NAV2: variants seen among roughly 807,000 people sequenced by gnomAD.
NAV2 encodes helicase, APC down-regulated 1.
Under a neutral mutation model 223.2 loss-of-function variants are expected in NAV2, and 54 were observed. The ratio of observed to expected loss-of-function variants is 0.24; its 90% CI spans 0.19 to 0.30. The LOEUF (loss-of-function observed/expected upper bound fraction) is 0.30. Among genes scored for constraint, NAV2 ranks in the 10% least tolerant of loss-of-function variants. NAV2 has a pLI of 1.00. For missense variants in NAV2, 2,806 were observed against 3,147.5 expected, an observed-to-expected ratio of 0.89 and a Z score of 2.60; for synonymous variants, 1,279 against 1,239.3, an observed-to-expected ratio of 1.03 and a Z score of -0.67.
At chr11:19,853,903 C>T (rs2061278464) in intron 3 of NAV2, among the ~76,000 whole-genome samples, 1 of 152,194 alleles carries the variant, frequency 6.6e-6, no homozygotes, top group South Asian at 2.1e-4. Flanking sequence ...CTGGTAGATG[C>T]TCACTCAGTG....
chr11:19,916,545 G>C (rs551849663), intron 6 of NAV2, among the ~76,000 whole-genome samples: 2 of 152,076 alleles, frequency 1.3e-5, no homozygotes, highest in Non-Finnish European at 2.9e-5. Flanking sequence ...TGATCTAATC[G>C]TGTCTGTCTA....
intron 10 of NAV2, chr11:19,978,621 T>G (rs993230673): frequency 1.3e-5 from 2 of 151,452 alleles, no homozygotes; most frequent in African/African-American, 4.9e-5. Context: ...TTGTTTTCTG[T>G]TTGTTCTTTC....
intron 1 of NAV2, among the ~76,000 whole-genome samples, chr11:19,749,471 G>A (rs1029574358): frequency 1.3e-4 from 20 of 152,168 alleles, no homozygotes; most frequent in African/African-American, 4.6e-4. Context: ...CAGTAATTAA[G>A]CTCACCTGTC....
chr11:19,873,306 A>G (rs562915714), intron 4 of NAV2, among the ~76,000 whole-genome samples: 1 of 152,120 alleles, frequency 6.6e-6, no homozygotes, highest in Non-Finnish European at 1.5e-5. Flanking sequence ...GTGACCAAAG[A>G]CAGGCAAATC....
chr11:19,652,582 A>T (rs61876698), intron 1 of NAV2, among the ~76,000 whole-genome samples: 5,999 of 152,148 alleles, frequency 0.039, 148 homozygotes, highest in Middle Eastern at 0.078. Context: ...TTTCTCCCTT[A>T]GCTTCCCAAG....
chr11:19,587,707 C>T (rs185265886), intron 1 of NAV2, among the ~76,000 whole-genome samples: 1 of 152,332 alleles, frequency 6.6e-6, no homozygotes. Context: ...GCTACAAAGA[C>T]ATTTCCAGAC....
chr11:19,897,049 A>C (rs1246944065), intron 6 of NAV2, among the ~76,000 whole-genome samples: 1 of 152,126 alleles, frequency 6.6e-6, no homozygotes, highest in Non-Finnish European at 1.5e-5. Flanking sequence ...AATACTATGC[A>C]GCCATAAAAA....
At chr11:19,745,844 T>C (rs999923435) in intron 1 of NAV2, among the ~76,000 whole-genome samples, 4 of 152,104 alleles carry the variant, frequency 2.6e-5, no homozygotes, top group Non-Finnish European at 5.9e-5. Flanking sequence ...ACCACTCACC[T>C]CCTGCTGTGC....
chr11:20,112,524 CACAG>C lies in NAV2; in HGVS notation c.6961-2063_6961-2060del, dbSNP rs1331193982. Among the ~76,000 whole-genome samples the C allele has an allele frequency of 6.6e-5, 10 of 152,298 alleles. No individual in the cohort carries two copies. The South Asian group carries it at 1.2e-3, about 19-fold the overall frequency. On this transcript the variant is annotated intron_variant, in intron 36 of 37. Coordinates refer to ENST00000349880, the MANE Select transcript of NAV2 (RefSeq NM_145117.5). ...AATCATAGCTAGAGGTCCCAGATGG[CACAG>C]ACAGTCATGGGAGTATGGGCACTGC... is the stretch of plus-strand genomic sequence containing the variant.
At chr11:19,951,487 T>C (rs2047393471) in intron 10 of NAV2, among the ~76,000 whole-genome samples, 1 of 152,244 alleles carries the variant, frequency 6.6e-6, no homozygotes. Flanking sequence ...AGACTTTTGG[T>C]ATCTAGCATG....
intron 1 of NAV2, among the ~76,000 whole-genome samples, chr11:19,404,699 T>G (rs1299071244): frequency 6.6e-6 from 1 of 152,184 alleles, no homozygotes; most frequent in Non-Finnish European, 1.5e-5. Flanking sequence ...CAGAAAACAC[T>G]AACTCTTAAT....
intron 1 of NAV2, among the ~76,000 whole-genome samples, chr11:19,705,780 C>T (rs1159017272): frequency 2.0e-5 from 3 of 152,106 alleles, no homozygotes; most frequent in East Asian, 1.9e-4. Flanking sequence ...GGAAAATAAA[C>T]GGGTTTTACT....
chr11:19,755,213 A>G (rs80272245), intron 1 of NAV2, among the ~76,000 whole-genome samples: 3,865 of 152,356 alleles, frequency 0.025, 91 homozygotes, highest in East Asian at 0.056. Flanking sequence ...TCACCACAAC[A>G]GTCCTTCTAA....
At chr11:19,614,516 A>G (rs1211941049) in intron 1 of NAV2, among the ~76,000 whole-genome samples, 1 of 152,150 alleles carries the variant, frequency 6.6e-6, no homozygotes, top group Non-Finnish European at 1.5e-5. Flanking sequence ...CACATATAGC[A>G]TCCTCTGCTA....
At chr11:19,642,205 A>C in intron 1 of NAV2, among the ~76,000 whole-genome samples, 1 of 152,154 alleles carries the variant, frequency 6.6e-6, no homozygotes, top group African/African-American at 2.4e-5. Context: ...CCATCTGCAC[A>C]TACTCTTCAA....
intron 19 of NAV2, chr11:20,056,754 A>C: frequency 1.5e-6 from 1 of 673,518 alleles, no homozygotes; most frequent in South Asian, 1.7e-5. Context: ...GCAGAGTTTA[A>C]ATTCCAGCTC....
Position 19,398,454 on chromosome 11 carries a change from T to G in NAV2, c.75+47427T>G, listed in dbSNP as rs116199866. The stretch of plus-strand genomic sequence containing the variant: ...GGCAGGGACACAGATCTGCATGACA[T>G]CACCCTGCATTGGCCTGTCTCTGTC... On this transcript the variant is annotated intron_variant, in intron 1 of 37. Transcript: ENST00000360655. Among the ~76,000 whole-genome samples, 1,425 of 152,230 alleles carry G rather than the reference T, an allele frequency of 9.4e-3. 25 individuals carry two copies. Among genetic ancestry groups the G allele is most frequent in the African/African-American group, 0.033 (1,355 of 41,526 alleles).
In NAV2 at chr11:19,624,476, C is replaced by T. The variant is rs139980888; in HGVS notation, c.76-208008C>T. ...ATGGCGGGTGCCCCTCCCCCAGCCT[C>T]GCTACTGCCTTGCAGTTCGATCTCA... On this transcript the variant is annotated intron_variant, in intron 1 of 37. Transcript: ENST00000360655. Among the ~76,000 whole-genome samples, 1,452 of 152,272 alleles carry T rather than the reference C, an allele frequency of 9.5e-3. 18 individuals are homozygous for T. Among genetic ancestry groups the T allele is most frequent in the South Asian group, 0.04 (193 of 4,824 alleles).
At position 19,933,068 on chromosome 11, in the gene NAV2, C is replaced by T. The variant is rs148896325; in HGVS notation, c.932-108C>T. Reference sequence around the variant, plus strand: ...CCACAAAGTGGGCAATGGAGCTATACGGCATTTGGGTTGGGAGTGATTGGT... The same window carrying T: ...CCACAAAGTGGGCAATGGAGCTATATGGCATTTGGGTTGGGAGTGATTGGT... On this transcript the variant is annotated intron_variant, in intron 6 of 37. Transcript: ENST00000349880. The surrounding 1 kb of genome is among the most constrained non-coding windows in gnomAD (Gnocchi z 4.3). 278 of 1,318,656 alleles carry T rather than the reference C, an allele frequency of 2.1e-4. No homozygotes were observed. The highest frequency in any genetic ancestry group is 3.1e-4 in the African/African-American group (21 of 67,808). 81.7% of individuals were successfully genotyped at this position (1,318,656 alleles called of 1,614,324 possible). A position where few individuals can be genotyped will look rare whatever the true frequency, so the allele number is the denominator to read the frequency against.
Sources: allele counts gnomAD v4.1 joint callset (sites outside exome capture counted in the v4.1 genomes callset), GRCh38; gene constraint gnomAD v4.1.1; non-coding constraint Gnocchi (gnomAD v3.1); transcripts MANE v1.5; gene names NCBI Gene and HGNC (gene_info 2026-07-23, HGNC 2026-07-21).